The following PRKAG2 variants were observed in gnomAD, a reference collection of about 807,000 sequenced individuals.
PRKAG2 encodes the protein 5'-AMP-activated protein kinase subunit gamma-2.
A neutral mutation model predicts 69.6 loss-of-function variants in PRKAG2; 26 were observed. That is an observed-to-expected ratio of 0.37 (90% CI 0.27 to 0.52). The LOEUF is 0.52. Among genes scored for constraint, PRKAG2 ranks in the 20% least tolerant of loss-of-function variants. The pLI, the probability that PRKAG2 is intolerant of heterozygous loss-of-function variation, is 0.90. For missense variants in PRKAG2, 557 were observed against 740.0 expected, an observed-to-expected ratio of 0.75 and a Z score of 2.87; for synonymous variants, 293 against 285.0, an observed-to-expected ratio of 1.03 and a Z score of -0.28.
At chr7:151,684,119 C>T (rs553153754) in intron 3 of PRKAG2, among the ~76,000 whole-genome samples, 2 of 152,206 alleles carry the variant, frequency 1.3e-5, no homozygotes, top group East Asian at 3.9e-4. Context: ...CAGGCAACTG[C>T]AGGAGGCTGG....
chr7:151,641,936 G>A (rs1349155883), intron 4 of PRKAG2, among the ~76,000 whole-genome samples: 5 of 149,466 alleles, frequency 3.3e-5, no homozygotes, highest in African/African-American at 4.9e-5. Flanking sequence ...AGCTCGGTCT[G>A]TAATCCTAGC....
chr7:151,631,786 C>T (rs1247292991), intron 5 of PRKAG2: 2 of 482,898 alleles, frequency 4.1e-6, no homozygotes, highest in Non-Finnish European at 8.2e-6. Context: ...TCGAGTTCGG[C>T]GAGTAAGGAC....
intron 3 of PRKAG2, among the ~76,000 whole-genome samples, chr7:151,705,347 G>A (rs1199494668): frequency 1.3e-5 from 2 of 151,964 alleles, no homozygotes; most frequent in East Asian, 1.9e-4. Context: ...TTTCTCAATC[G>A]GGTTGTAAAA....
intron 5 of PRKAG2, among the ~76,000 whole-genome samples, chr7:151,600,327 A>G (rs1815743864): frequency 6.6e-6 from 1 of 152,248 alleles, no homozygotes; most frequent in African/African-American, 2.4e-5. Flanking sequence ...CATGTAGTGT[A>G]TAAGCTAATT....
chr7:151,824,495 G>T (rs548544062), intron 1 of PRKAG2, among the ~76,000 whole-genome samples: 1 of 152,296 alleles, frequency 6.6e-6, no homozygotes, highest in East Asian at 1.9e-4. Context: ...TGAGATCCTA[G>T]TAGCCTCTGT....
chr7:151,664,208 C>T (rs758908175), intron 4 of PRKAG2, among the ~76,000 whole-genome samples: 2 of 152,148 alleles, frequency 1.3e-5, no homozygotes, highest in South Asian at 4.2e-4. Context: ...ATTCTGGAGC[C>T]CAGCTGCCTT....
rs141704004 is a variant in PRKAG2, at chr7:151,874,621, A to T, written c.114+1886T>A. On this transcript the variant is annotated intron_variant, in intron 1 of 15. Coordinates refer to ENST00000287878, the MANE Select transcript of PRKAG2 (RefSeq NM_016203.4). ...TTTCCCGGGATGGGTGTGATGGCTC[A>T]CGCCTGTAATCCCAGCACTTTGAGA... Among the ~76,000 whole-genome samples, 1,137 of 152,262 alleles carry T rather than the reference A, an allele frequency of 7.5e-3. 8 individuals are homozygous for T. The highest frequency in any genetic ancestry group is 0.025 in the African/African-American group (1,055 of 41,536).
chr7:151,652,868 C>T (rs566601584), intron 4 of PRKAG2, among the ~76,000 whole-genome samples: 19 of 152,242 alleles, frequency 1.2e-4, no homozygotes, highest in Admixed American at 5.2e-4. Flanking sequence ...ATCTGCCCGC[C>T]TCAGCCTCCC....
intron 1 of PRKAG2, among the ~76,000 whole-genome samples, chr7:151,793,494 C>A (rs1316616389): frequency 6.6e-6 from 1 of 152,222 alleles, no homozygotes; most frequent in East Asian, 1.9e-4. Context: ...TATCAGACGC[C>A]CAGTGACCCC....
Position 151,853,798 on chromosome 7 carries a change from A to G in PRKAG2, c.114+22709T>C, listed in dbSNP as rs973927464. On this transcript the variant is annotated intron_variant, in intron 1 of 15. Transcript: ENST00000287878. ...AAAAAAGTCAAATATTGGCTATTCC[A>G]CGCAGTTTAACCTAATATTATCACC... is the stretch of plus-strand genomic sequence containing the variant. Among the ~76,000 whole-genome samples the G allele has an allele frequency of 1.1e-3, 170 of 150,928 alleles. 1 individual carries two copies. The highest frequency in any genetic ancestry group is 1.2e-3 in the Non-Finnish European group (80 of 67,866).
chr7:151,823,162 C>G (rs371353707), intron 1 of PRKAG2, among the ~76,000 whole-genome samples: 96 of 152,106 alleles, frequency 6.3e-4, no homozygotes, highest in African/African-American at 2.3e-3. Flanking sequence ...GCACAGCCGC[C>G]TGGGGACACT....
intron 1 of PRKAG2, among the ~76,000 whole-genome samples, chr7:151,818,017 T>C (rs1586661520): frequency 6.6e-6 from 1 of 152,072 alleles, no homozygotes; most frequent in African/African-American, 2.4e-5. Context: ...CCTTTACAGG[T>C]CCAGCCTATA....
chr7:151,842,512 T>C (rs1368179965), intron 1 of PRKAG2, among the ~76,000 whole-genome samples: 2 of 149,006 alleles, frequency 1.3e-5, no homozygotes, highest in African/African-American at 5.0e-5. Flanking sequence ...GTAGGGATGG[T>C]AGTGATGGTA....
intron 1 of PRKAG2, among the ~76,000 whole-genome samples, chr7:151,794,478 C>T (rs2077400852): frequency 6.6e-6 from 1 of 152,274 alleles, no homozygotes; most frequent in African/African-American, 2.4e-5. Flanking sequence ...TCATCAAAGG[C>T]CCTTCCCGCG....
intron 6 of PRKAG2, among the ~76,000 whole-genome samples, chr7:151,586,382 A>T (rs2151089827): frequency 6.6e-6 from 1 of 152,260 alleles, no homozygotes. Context: ...CATAAATCTC[A>T]GCTGGGATTG....
At chr7:151,576,984 CT>C (rs5888443) in intron 6 of PRKAG2, among the ~76,000 whole-genome samples, 86,264 of 150,762 alleles carry the variant, frequency 0.57, 25,158 homozygotes, top group East Asian at 0.89. Context: ...CAATTAACTT[CT>C]TTTTTTTTTC....
At chr7:151,738,375 A>G (rs2073612419) in intron 3 of PRKAG2, among the ~76,000 whole-genome samples, 1 of 152,254 alleles carries the variant, frequency 6.6e-6, no homozygotes, top group Non-Finnish European at 1.5e-5. Context: ...CAGATCTGCC[A>G]CTGCCATGGG....
intron 3 of PRKAG2, among the ~76,000 whole-genome samples, chr7:151,691,611 T>C (rs1410389521): frequency 1.3e-5 from 2 of 152,104 alleles, no homozygotes; most frequent in East Asian, 3.8e-4. Context: ...AAAACTACAA[T>C]GAAACATCAC....
At chr7:151,569,314 C>T (rs1256587228) in intron 10 of PRKAG2, among the ~76,000 whole-genome samples, 2 of 152,266 alleles carry the variant, frequency 1.3e-5, no homozygotes, top group Admixed American at 1.3e-4. Flanking sequence ...GGATTACGGG[C>T]ATGAGCCCTT....
Sources: allele counts gnomAD v4.1 joint callset (sites outside exome capture counted in the v4.1 genomes callset), GRCh38; gene constraint gnomAD v4.1.1; transcripts MANE v1.5; gene names NCBI Gene and HGNC (gene_info 2026-07-23, HGNC 2026-07-21).